The following OPCML variants were observed in gnomAD, a reference collection of about 807,000 sequenced individuals.
OPCML encodes the protein opioid binding protein/cell adhesion molecule like.
A neutral mutation model predicts 37.8 loss-of-function variants in OPCML; 13 were observed. The ratio of observed to expected loss-of-function variants is 0.34; its 90% CI spans 0.22 to 0.55. The LOEUF is 0.55. Ranked by LOEUF, OPCML falls within the 20% of genes least tolerant of loss-of-function variation. The pLI, the probability that OPCML is intolerant of heterozygous loss-of-function variation, is 0.91. For missense variants in OPCML, 341 were observed against 435.6 expected, an observed-to-expected ratio of 0.78 and a Z score of 1.93; for synonymous variants, 176 against 168.8, an observed-to-expected ratio of 1.04 and a Z score of -0.33.
At position 133,374,777 on chromosome 11, in the gene OPCML, T is replaced by G. The variant is rs532194207; in HGVS notation, c.61+157487A>C. Among the ~76,000 whole-genome samples, 6 of 152,300 alleles carry G rather than the reference T, an allele frequency of 3.9e-5. No homozygotes were observed. In the South Asian group the frequency reaches 8.3e-4, roughly 21 times the overall value. ...TCATCTAATTCCCCATATGAACTCC[T>G]TATCTTGGCCTCCAAGACAATTAGT... On this transcript the variant is annotated intron_variant, in intron 1 of 7. Transcript: ENST00000524381.
intron 1 of OPCML, among the ~76,000 whole-genome samples, chr11:133,446,790 A>T (rs74513848): frequency 0.02 from 3,002 of 152,326 alleles, 65 homozygotes; most frequent in East Asian, 0.058. Flanking sequence ...ATAGAATCAC[A>T]CAACATTTTG....
At chr11:133,499,872 A>ATT (rs1490464880) in intron 1 of OPCML, among the ~76,000 whole-genome samples, 11 of 115,744 alleles carry the variant, frequency 9.5e-5, no homozygotes, top group African/African-American at 4.3e-4. Context: ...ATATATATAT[A>ATT]TATTTTTTTT....
At chr11:132,805,211 A>G (rs1347993768) in intron 2 of OPCML, among the ~76,000 whole-genome samples, 1 of 152,182 alleles carries the variant, frequency 6.6e-6, no homozygotes, top group Non-Finnish European at 1.5e-5. Context: ...TTGAAGTCAG[A>G]TAAATAGAAA....
intron 1 of OPCML, among the ~76,000 whole-genome samples, chr11:133,023,072 G>A (rs1386779107): frequency 6.6e-6 from 1 of 152,194 alleles, no homozygotes; most frequent in Non-Finnish European, 1.5e-5. Flanking sequence ...ACTGTTCTCA[G>A]ATGAGTTAGC....
At chr11:133,106,083 C>T (rs1949153412) in intron 1 of OPCML, among the ~76,000 whole-genome samples, 1 of 152,184 alleles carries the variant, frequency 6.6e-6, no homozygotes, top group African/African-American at 2.4e-5. Context: ...AGATCCACTA[C>T]AGATCTGGCC....
At chr11:133,164,987 G>A (rs1409340428) in intron 1 of OPCML, among the ~76,000 whole-genome samples, 1 of 152,198 alleles carries the variant, frequency 6.6e-6, no homozygotes, top group Non-Finnish European at 1.5e-5. Context: ...TTCTTAAACA[G>A]CATTTTAATG....
chr11:132,660,162 C>G (rs181405729), intron 2 of OPCML, among the ~76,000 whole-genome samples: 169 of 151,938 alleles, frequency 1.1e-3, no homozygotes, highest in African/African-American at 3.8e-3. Flanking sequence ...TTTTAAATGC[C>G]GTAGATAAAT....
rs554902077 is a variant in OPCML, at chr11:133,352,062, A to C, written c.61+180202T>G. On this transcript the variant is annotated intron_variant, in intron 1 of 7. Transcript: ENST00000524381. ...CAATAGCCTTCTAACTTACTTTCCT[A>C]TTTATGCTCCTTCTCCCCTGTAATC... is the stretch of plus-strand genomic sequence containing the variant. Among the ~76,000 whole-genome samples, 10 of 152,236 alleles carry C rather than the reference A, an allele frequency of 6.6e-5. No homozygotes were observed. The South Asian group carries it at 2.1e-3, about 32-fold the overall frequency.
intron 1 of OPCML, among the ~76,000 whole-genome samples, chr11:133,502,274 G>A (rs531983467): frequency 6.6e-5 from 10 of 152,276 alleles, no homozygotes; most frequent in East Asian, 1.9e-4. Context: ...ATACAGCAGC[G>A]GCTTAGAGCC....
intron 2 of OPCML, among the ~76,000 whole-genome samples, chr11:132,834,795 G>A (rs1591675052): frequency 6.6e-6 from 1 of 152,134 alleles, no homozygotes; most frequent in Admixed American, 6.5e-5. Flanking sequence ...AGAGAGCGTA[G>A]GACTTCAACA....
At chr11:133,529,063 C>T (rs561025871) in intron 1 of OPCML, among the ~76,000 whole-genome samples, 1 of 152,326 alleles carries the variant, frequency 6.6e-6, no homozygotes, top group African/African-American at 2.4e-5. Context: ...GGCCACAGAG[C>T]CATTTCTCAA....
chr11:133,043,675 T>C (rs1384016581), intron 1 of OPCML, among the ~76,000 whole-genome samples: 4 of 152,190 alleles, frequency 2.6e-5, no homozygotes, highest in African/African-American at 9.7e-5. Flanking sequence ...TTTTTGTCCA[T>C]CCACTGATGC....
chr11:132,978,815 A>G (rs1296112964), intron 1 of OPCML, among the ~76,000 whole-genome samples: 4 of 152,180 alleles, frequency 2.6e-5, no homozygotes, highest in East Asian at 3.9e-4. Flanking sequence ...ATACACGCAC[A>G]CACAGACATA....
chr11:133,130,545 T>C (rs1443877920), intron 1 of OPCML, among the ~76,000 whole-genome samples: 3 of 152,172 alleles, frequency 2.0e-5, no homozygotes, highest in African/African-American at 4.8e-5. Context: ...TTCGTGTTCA[T>C]AGATAGAAAG....
chr11:133,498,060 G>A (rs1947823276), intron 1 of OPCML, among the ~76,000 whole-genome samples: 1 of 152,196 alleles, frequency 6.6e-6, no homozygotes, highest in Admixed American at 6.5e-5. Flanking sequence ...GGCTGTGTGA[G>A]GGCCGGGGGC....
chr11:132,549,389 G>A (rs1240052843), intron 3 of OPCML, among the ~76,000 whole-genome samples: 1 of 152,184 alleles, frequency 6.6e-6, no homozygotes, highest in Non-Finnish European at 1.5e-5. Flanking sequence ...TCCACCCCTT[G>A]CTTAGCATAT....
intron 3 of OPCML, among the ~76,000 whole-genome samples, chr11:132,607,991 C>T (rs887811035): frequency 2.6e-5 from 4 of 152,140 alleles, no homozygotes; most frequent in Admixed American, 1.3e-4. Context: ...TAGTTCAAAA[C>T]ATCTAGAGGA....
chr11:132,951,069 G>C (rs186962308), intron 1 of OPCML, among the ~76,000 whole-genome samples: 1 of 152,294 alleles, frequency 6.6e-6, no homozygotes, highest in Non-Finnish European at 1.5e-5. Context: ...ACACAGGGCA[G>C]TCGGGCGTCA....
intron 3 of OPCML, among the ~76,000 whole-genome samples, chr11:132,627,900 T>C (rs757731134): frequency 6.6e-6 from 1 of 152,166 alleles, no homozygotes; most frequent in Non-Finnish European, 1.5e-5. Context: ...TGTTTTGAAG[T>C]GGAGGTGGAG....
Sources: allele counts gnomAD v4.1 joint callset (sites outside exome capture counted in the v4.1 genomes callset), GRCh38; gene constraint gnomAD v4.1.1; transcripts MANE v1.5; gene names NCBI Gene and HGNC (gene_info 2026-07-23, HGNC 2026-07-21).